Variants in THSD7B observed in about 807,000 individuals in gnomAD.
THSD7B encodes the protein thrombospondin type 1 domain containing 7B, also known as thrombospondin type-1 domain-containing protein 7B.
Under a neutral mutation model 213.6 loss-of-function variants are expected in THSD7B, and 138 were observed. The ratio of observed to expected loss-of-function variants is 0.65; its 90% CI spans 0.56 to 0.74. THSD7B has a LOEUF of 0.74. THSD7B is among the 30% of genes least tolerant of loss of function. The pLI is 0.00. For missense variants in THSD7B, 1,931 were observed against 1,991.5 expected, an observed-to-expected ratio of 0.97 and a Z score of 0.58; for synonymous variants, 742 against 687.0, an observed-to-expected ratio of 1.08 and a Z score of -1.25.
chr2:137,464,787 T>A (rs1264369846), intron 15 of THSD7B, among the ~76,000 whole-genome samples: 3 of 152,004 alleles, frequency 2.0e-5, no homozygotes, highest in Non-Finnish European at 4.4e-5. Flanking sequence ...CTGAGGATAG[T>A]GTGTGGTCTA....
Position 137,640,769 on chromosome 2 carries a change from T to C in THSD7B, c.3800-1719T>C, listed in dbSNP as rs1348762776. ...CAATCAATGTATTGATATTATTGTA[T>C]CACACATTTGCATATAACATAATAT... On this transcript the variant is annotated intron_variant, in intron 20 of 27. Coordinates refer to ENST00000409968, the MANE Select transcript of THSD7B (RefSeq NM_001316349.2). Among the ~76,000 whole-genome samples the C allele has an allele frequency of 4.6e-5, 7 of 152,354 alleles. No homozygotes were observed. In the East Asian group the frequency reaches 1.4e-3, roughly 29 times the overall value.
intron 9 of THSD7B, among the ~76,000 whole-genome samples, chr2:137,236,120 A>T: frequency 6.6e-6 from 1 of 152,220 alleles, no homozygotes; most frequent in Admixed American, 6.5e-5. Context: ...CATGAAAGTC[A>T]TTGCAGTGGG....
chr2:137,299,182 C>T (rs1392034032), intron 12 of THSD7B, among the ~76,000 whole-genome samples: 1 of 152,116 alleles, frequency 6.6e-6, no homozygotes, highest in Non-Finnish European at 1.5e-5. Context: ...CATTTTGGAG[C>T]TTTAAAATTT....
At chr2:137,503,495 C>T (rs545297035) in intron 15 of THSD7B, among the ~76,000 whole-genome samples, 2 of 152,108 alleles carry the variant, frequency 1.3e-5, no homozygotes, top group African/African-American at 2.4e-5. Flanking sequence ...TTCTACATGG[C>T]TGTACATGTA....
At chr2:137,413,228 A>G (rs766163971) in intron 14 of THSD7B, among the ~76,000 whole-genome samples, 1 of 152,176 alleles carries the variant, frequency 6.6e-6, no homozygotes, top group Non-Finnish European at 1.5e-5. Context: ...ATACATCACA[A>G]GAAAGTAATG....
At chr2:137,363,439 G>T (rs959795967) in intron 12 of THSD7B, among the ~76,000 whole-genome samples, 5 of 152,138 alleles carry the variant, frequency 3.3e-5, no homozygotes, top group African/African-American at 1.2e-4. Flanking sequence ...AAAAATCAAT[G>T]AATCCAGGAG....
intron 16 of THSD7B, among the ~76,000 whole-genome samples, chr2:137,566,293 T>G (rs951597389): frequency 6.6e-6 from 1 of 152,212 alleles, no homozygotes; most frequent in Non-Finnish European, 1.5e-5. Flanking sequence ...ATTTGGTCCA[T>G]TTGCTCACAT....
At chr2:137,569,627 T>C (rs1156881966) in intron 16 of THSD7B, among the ~76,000 whole-genome samples, 1 of 152,096 alleles carries the variant, frequency 6.6e-6, no homozygotes, top group Non-Finnish European at 1.5e-5. Context: ...AATTTTTTCT[T>C]TGTTCTGTGT....
intron 20 of THSD7B, among the ~76,000 whole-genome samples, chr2:137,637,808 A>C (rs1179928742): frequency 6.6e-6 from 1 of 152,224 alleles, no homozygotes; most frequent in African/African-American, 2.4e-5. Flanking sequence ...TTATTTGGTT[A>C]TAATGAAATA....
intron 10 of THSD7B, among the ~76,000 whole-genome samples, chr2:137,246,576 C>G (rs989044404): frequency 1.3e-5 from 2 of 152,126 alleles, no homozygotes; most frequent in African/African-American, 4.8e-5. Flanking sequence ...ATTTTCAAGC[C>G]ATGGACAATC....
chr2:136,939,671 T>C (rs1025096005), intron 2 of THSD7B, among the ~76,000 whole-genome samples: 1 of 152,204 alleles, frequency 6.6e-6, no homozygotes, highest in African/African-American at 2.4e-5. Flanking sequence ...TTCTGAACCA[T>C]GGTGTGCACA....
At chr2:137,165,199 G>T (rs1056061601) in intron 6 of THSD7B, among the ~76,000 whole-genome samples, 4 of 152,134 alleles carry the variant, frequency 2.6e-5, no homozygotes, top group African/African-American at 9.7e-5. Context: ...CTGAATGGCT[G>T]CCTCCTGAAC....
intron 7 of THSD7B, among the ~76,000 whole-genome samples, chr2:137,177,475 G>C (rs1680378903): frequency 6.6e-6 from 1 of 152,156 alleles, no homozygotes; most frequent in Non-Finnish European, 1.5e-5. Context: ...CTCTTATCTT[G>C]TTTCTTCTAG....
chr2:137,329,377 G>A (rs749167629), intron 12 of THSD7B, among the ~76,000 whole-genome samples: 6 of 152,108 alleles, frequency 3.9e-5, no homozygotes, highest in Non-Finnish European at 7.4e-5. Context: ...TTCTTTGTTT[G>A]TTTGTTGAGA....
chr2:137,175,788 C>T (rs115935907), intron 7 of THSD7B, among the ~76,000 whole-genome samples: 1 of 152,068 alleles, frequency 6.6e-6, no homozygotes, highest in Non-Finnish European at 1.5e-5. Flanking sequence ...AATGTTTTTA[C>T]GTCTGTGATT....
intron 2 of THSD7B, among the ~76,000 whole-genome samples, chr2:137,039,674 C>A (rs550425387): frequency 2.3e-4 from 35 of 152,238 alleles, no homozygotes; most frequent in African/African-American, 8.4e-4. Flanking sequence ...AAGATGAGAT[C>A]ATTGAAGATT....
rs754573795 is a variant in THSD7B, at chr2:136,780,738, T to C, written c.-36+15051T>C. Among the ~76,000 whole-genome samples, 7 of 152,220 alleles carry C rather than the reference T, an allele frequency of 4.6e-5. No individual in the cohort carries two copies. The East Asian group carries it at 1.3e-3, about 29-fold the overall frequency. ...TGAACAGAGTGTTTAAACAGAACTT[T>C]TAGTTTCTTTATCCAAAATCTGATC... is the stretch of plus-strand genomic sequence containing the variant. On this transcript the variant is annotated intron_variant, in intron 1 of 27. Transcript: ENST00000409968.
chr2:137,616,754 T>G (rs352183), intron 18 of THSD7B, among the ~76,000 whole-genome samples: 81,934 of 152,034 alleles, frequency 0.54, 25,098 homozygotes, highest in African/African-American at 0.85. Flanking sequence ...TGAATGCTAC[T>G]ACTGACTGGT....
At chr2:137,267,768 T>A (rs1387087966) in intron 10 of THSD7B, among the ~76,000 whole-genome samples, 3 of 152,226 alleles carry the variant, frequency 2.0e-5, no homozygotes, top group African/African-American at 7.2e-5. Flanking sequence ...CTGACATAGA[T>A]TAAGATGGTA....
Sources: allele counts gnomAD v4.1 joint callset (sites outside exome capture counted in the v4.1 genomes callset), GRCh38; gene constraint gnomAD v4.1.1; transcripts MANE v1.5; gene names NCBI Gene and HGNC (gene_info 2026-07-23, HGNC 2026-07-21).